The following KIF20B variants were observed in gnomAD, a reference collection of about 807,000 sequenced individuals.
The protein encoded by KIF20B is kinesin family member 20B.
In KIF20B, 188 loss-of-function variants were observed where a neutral mutation model predicts 232.5. The observed-to-expected ratio is 0.81, with a 90% confidence interval of 0.72 to 0.91. The LOEUF is 0.91. Among genes scored for constraint, KIF20B ranks in the 40% least tolerant of loss-of-function variants. The pLI, the probability that KIF20B is intolerant of heterozygous loss-of-function variation, is 0.00. For synonymous variants in KIF20B, 712 were observed against 683.0 expected (o/e 1.04, Z -0.66); for missense variants, 2,154 against 2,055.9 (o/e 1.05, Z -0.92).
intron 29 of KIF20B, among the ~76,000 whole-genome samples, chr10:89,767,391 C>A (rs1842384472): frequency 6.7e-6 from 1 of 148,204 alleles, no homozygotes; most frequent in South Asian, 2.3e-4. Context: ...GAGCTCCTTA[C>A]TGACCACTAT....
intron 25 of KIF20B, among the ~76,000 whole-genome samples, chr10:89,753,097 G>A (rs1170641328): frequency 6.6e-6 from 1 of 152,082 alleles, no homozygotes; most frequent in Non-Finnish European, 1.5e-5. Flanking sequence ...GAATAGAATT[G>A]TATATCTGAA....
chr10:89,726,142 C>T (rs1843182315), intron 15 of KIF20B, 151 bp from the exon 16 acceptor site: 1 of 1,030,166 alleles, frequency 9.7e-7, no homozygotes, highest in East Asian at 3.0e-5. Flanking sequence ...ACAGGTTTTT[C>T]ATAATTGGAG....
chr10:89,734,111 T>C (rs1023745238), intron 19 of KIF20B, among the ~76,000 whole-genome samples: 7 of 151,916 alleles, frequency 4.6e-5, no homozygotes, highest in African/African-American at 1.7e-4. Flanking sequence ...GATTTTAATT[T>C]ATCAAAAGGG....
In KIF20B at chr10:89,762,647, G is replaced by C; in HGVS notation, c.4801G>C (p.Val1601Leu). 1 of 1,611,718 alleles carries C rather than the reference G, an allele frequency of 6.2e-7. No homozygotes were observed. Among genetic ancestry groups the C allele is most frequent in the Non-Finnish European group, 8.5e-7 (1 of 1,178,106 alleles). The change falls in exon 29 of 33, where the codon GTA (valine) becomes CTA (leucine). Residue 1601 changes from valine to leucine, a missense_variant. Transcript: ENST00000371728. ...ISRNKIEDGS[V>L]VLDSCEVSTE... is the part of the protein sequence containing the mutation. Reference sequence around the variant, plus strand: ...TTACATTCTGTTGTAGGATGGATCTGTAGTCCTTGACTCTTGTGAAGTGTC... The same window carrying C: ...TTACATTCTGTTGTAGGATGGATCTCTAGTCCTTGACTCTTGTGAAGTGTC...
chr10:89,728,931 GTGTGTGTGTGTGTGTGTA>G (rs1021277851), intron 17 of KIF20B, among the ~76,000 whole-genome samples, 179 bp from the exon 18 acceptor site: 27 of 136,450 alleles, frequency 2.0e-4, no homozygotes, highest in South Asian at 7.0e-4. Context: ...GTGTGTGTGT[GTGTGTGTGTGTGTGTGTA>G]TGTAATTTTT....
intron 19 of KIF20B, among the ~76,000 whole-genome samples, chr10:89,733,322 A>C (rs200649523): frequency 6.7e-5 from 5 of 74,380 alleles, no homozygotes; most frequent in African/African-American, 4.1e-4. Flanking sequence ...TATAATAGTT[A>C]AAACTCATTA....
Position 89,736,655 on chromosome 10 carries a change from A to T in KIF20B, c.2546-732A>T, listed in dbSNP as rs1035013860. Among the ~76,000 whole-genome samples the T allele has an allele frequency of 2.0e-5, 3 of 152,168 alleles. No homozygotes were observed. In the South Asian group the frequency reaches 6.2e-4, roughly 32 times the overall value. ...ATACATATTAAGCCTGAAAAAGGCA[A>T]ACTTTTATGCATTTTCAATTAGTTG... On this transcript the variant is annotated intron_variant, in intron 19 of 32. Transcript: ENST00000371728.
At position 89,757,040 on chromosome 10, in the gene KIF20B, G is replaced by GTATATATATATATATATA. The variant is rs34325599; in HGVS notation, c.4504-1653_4504-1636dup. ...ATCTCTGTTGTGTGTGTGTGTGTGT[G>GTATATATATATATATATA]TATATATATATATATATATATATAT... On this transcript the variant is annotated intron_variant, in intron 26 of 32. Transcript: ENST00000371728. Among the ~76,000 whole-genome samples, 746 of 110,492 alleles carry GTATATATATATATATATA rather than the reference G, an allele frequency of 6.8e-3. 12 individuals carry two copies. The highest frequency in any genetic ancestry group is 0.011 in the Non-Finnish European group (596 of 53,910). The allele number at this position is 110,492 out of a possible 152,430, so 72.5% of individuals were successfully genotyped here.
chr10:89,704,346 T>C (rs1842678201), intron 1 of KIF20B, among the ~76,000 whole-genome samples: 2 of 152,180 alleles, frequency 1.3e-5, no homozygotes, highest in South Asian at 4.1e-4. Flanking sequence ...AATATTAGAA[T>C]GTTAGTATTT....
chr10:89,718,417 G>C (rs1184550536), intron 11 of KIF20B, among the ~76,000 whole-genome samples: 4 of 152,090 alleles, frequency 2.6e-5, no homozygotes, highest in Admixed American at 2.6e-4. Context: ...AGGCAGAGGC[G>C]AGAGGATCGC....
chr10:89,772,892 C>T (rs1325665801), intron 32 of KIF20B, 61 bp downstream of exon 32: 1 of 1,425,914 alleles, frequency 7.0e-7, no homozygotes, highest in Non-Finnish European at 9.4e-7. Context: ...TAATTTTTTA[C>T]AGTGGTTTGA....
intron 5 of KIF20B, 128 bp downstream of exon 5, chr10:89,710,193 T>C: frequency 1.3e-6 from 1 of 760,384 alleles, no homozygotes; most frequent in Non-Finnish European, 2.0e-6. Flanking sequence ...TTAATAGTAC[T>C]AGCATATTAT....
chr10:89,773,405 G>A (rs1393161569), intron 32 of KIF20B, among the ~76,000 whole-genome samples: 2 of 151,954 alleles, frequency 1.3e-5, no homozygotes, highest in Admixed American at 6.6e-5. Context: ...AAATTAAAAA[G>A]AAGTGGCCAA....
intron 6 of KIF20B, 77 bp downstream of exon 6, chr10:89,711,222 A>C: frequency 1.1e-6 from 1 of 896,806 alleles, no homozygotes; most frequent in Non-Finnish European, 1.6e-6. Context: ...TTCACCATAT[A>C]TTGGAATCTG....
chr10:89,756,000 C>G (rs1344142534), intron 26 of KIF20B, among the ~76,000 whole-genome samples: 1 of 152,054 alleles, frequency 6.6e-6, no homozygotes, highest in East Asian at 1.9e-4. Context: ...ACAGAGTTGG[C>G]CAGTTTTTAT....
chr10:89,762,583 G>GAA, intron 28 of KIF20B, 55 bp from the exon 29 acceptor site: 1 of 1,328,546 alleles, frequency 7.5e-7, no homozygotes, highest in South Asian at 1.3e-5. Context: ...AATTCTTTGT[G>GAA]GTTTATAAAT....
chr10:89,753,929 T>A (rs918586784), intron 25 of KIF20B, among the ~76,000 whole-genome samples: 7 of 152,032 alleles, frequency 4.6e-5, no homozygotes, highest in Admixed American at 1.3e-4. Flanking sequence ...AGAAGTTTTT[T>A]AAGTGGTATT....
intron 32 of KIF20B, among the ~76,000 whole-genome samples, chr10:89,773,295 C>T (rs1439082746): frequency 6.6e-6 from 1 of 151,938 alleles, no homozygotes; most frequent in African/African-American, 2.4e-5. Flanking sequence ...TGATTCAGAA[C>T]AGTATGTGCT....
chr10:89,711,431 G>A (rs1321029862), intron 6 of KIF20B, among the ~76,000 whole-genome samples: 2 of 152,012 alleles, frequency 1.3e-5, no homozygotes, highest in African/African-American at 4.8e-5. Flanking sequence ...TTAAAATTCT[G>A]TTTTTTAATT....
Sources: allele counts gnomAD v4.1 joint callset (sites outside exome capture counted in the v4.1 genomes callset), GRCh38; gene constraint gnomAD v4.1.1; transcripts MANE v1.5; gene names NCBI Gene and HGNC (gene_info 2026-07-23, HGNC 2026-07-21).